The following MSH3 variants were observed in gnomAD, a reference collection of about 807,000 sequenced individuals.
MSH3 encodes the protein mutS homolog 3, also known as DNA mismatch repair protein Msh3.
A neutral mutation model predicts 123.3 loss-of-function variants in MSH3; 106 were observed. The ratio of observed to expected loss-of-function variants is 0.86; its 90% confidence interval spans 0.73 to 1.01. The LOEUF (loss-of-function observed/expected upper bound fraction) is 1.01. Ranked by LOEUF, MSH3 falls within the 50% of genes least tolerant of loss-of-function variation. The pLI, the probability that MSH3 is intolerant of heterozygous loss-of-function variation, is 0.00. For synonymous variants in MSH3, 515 were observed against 481.4 expected, an observed-to-expected ratio of 1.07 and a Z score of -0.91; for missense variants, 1,459 against 1,347.6, an observed-to-expected ratio of 1.08 and a Z score of -1.29.
intron 8 of MSH3, among the ~76,000 whole-genome samples, chr5:80,721,985 G>T (rs904786203): frequency 3.9e-5 from 6 of 152,134 alleles, no homozygotes; most frequent in African/African-American, 2.4e-5. Context: ...AAGAAACAGT[G>T]ATTGTTGTGT....
chr5:80,807,074 C>A (rs1744903548), intron 19 of MSH3, among the ~76,000 whole-genome samples: 1 of 151,666 alleles, frequency 6.6e-6, no homozygotes. Context: ...CACCCATGGT[C>A]CCAACTACTC....
intron 23 of MSH3, among the ~76,000 whole-genome samples, chr5:80,875,498 C>T (rs533947261): frequency 6.6e-6 from 1 of 152,064 alleles, no homozygotes; most frequent in African/African-American, 2.4e-5. Flanking sequence ...CAGGTTCTCC[C>T]CTCTGGGGCT....
intron 15 of MSH3, 143 bp from the exon 16 acceptor site, chr5:80,775,551 A>G (rs1744282816): frequency 3.2e-6 from 2 of 616,440 alleles, no homozygotes; most frequent in East Asian, 2.8e-5. Flanking sequence ...CTGTATTGAC[A>G]TATATACAGT....
chr5:80,774,850 T>C (rs574645398), intron 15 of MSH3, among the ~76,000 whole-genome samples: 2 of 152,160 alleles, frequency 1.3e-5, no homozygotes, highest in Non-Finnish European at 2.9e-5. Flanking sequence ...GAGGGGATGG[T>C]TAATGGATAC....
intron 8 of MSH3, among the ~76,000 whole-genome samples, chr5:80,708,406 A>G (rs1750766928): frequency 6.6e-6 from 1 of 152,028 alleles, no homozygotes; most frequent in African/African-American, 2.4e-5. Flanking sequence ...ATATGCATTG[A>G]ATTATGTTGA....
chr5:80,712,348 G>A (rs1750878315), intron 8 of MSH3, among the ~76,000 whole-genome samples: 1 of 152,076 alleles, frequency 6.6e-6, no homozygotes, highest in South Asian at 2.1e-4. Context: ...AGATTATGAG[G>A]TAAAGAGTTT....
chr5:80,714,130 CTTTTTTTTTTT>C (rs34918629), intron 8 of MSH3, among the ~76,000 whole-genome samples: 4 of 85,828 alleles, frequency 4.7e-5, no homozygotes, highest in East Asian at 6.2e-4. Context: ...TTCAAATAGA[CTTTTTTTTTTT>C]TTTTTTTTTT....
chr5:80,768,388 G>A (rs986086143), intron 14 of MSH3, among the ~76,000 whole-genome samples: 2 of 152,110 alleles, frequency 1.3e-5, no homozygotes, highest in African/African-American at 4.8e-5. Context: ...GCAAAGCCAA[G>A]CATTAGTAGT....
At chr5:80,871,886 C>A (rs1257099379) in intron 22 of MSH3, among the ~76,000 whole-genome samples, 1 of 152,278 alleles carries the variant, frequency 6.6e-6, no homozygotes, top group East Asian at 1.9e-4. Flanking sequence ...CTGCCTACAA[C>A]AACCAGTCAC....
At chr5:80,765,730 C>T (rs908482277) in intron 13 of MSH3, among the ~76,000 whole-genome samples, 1 of 152,172 alleles carries the variant, frequency 6.6e-6, no homozygotes, top group Non-Finnish European at 1.5e-5. Context: ...ATCTTAGATT[C>T]CCTTTACTTC....
At position 80,768,017 on chromosome 5, in the gene MSH3, T is replaced by A. The variant is rs1580033832; in HGVS notation, c.1981T>A (p.Ser661Thr). The change falls in exon 14 of 24, where the codon TCC becomes ACC. Residue 661 changes from serine (S) to threonine (T), a missense_variant. Ser to Thr is a moderately conservative substitution (Grantham distance 58). Transcript: ENST00000265081. ...EFQAIIPAVNSHIQSDLLRTV... is the reference protein window; with the variant it reads ...EFQAIIPAVNTHIQSDLLRTV... ...TCAAGCAATAATACCTGCTGTTAAT[T>A]CCCACATTCAGTCAGACTTGCTCCG... The A allele has an allele frequency of 1.9e-6, 3 of 1,613,662 alleles. No homozygotes were observed. Among genetic ancestry groups the A allele is most frequent in the Non-Finnish European group, 2.5e-6 (3 of 1,179,678 alleles).
chr5:80,715,093 C>T (rs184835324), intron 8 of MSH3: 17 of 152,294 alleles, frequency 1.1e-4, no homozygotes, highest in African/African-American at 3.9e-4. Context: ...CTCTTCATTA[C>T]TTTGGACATT....
rs1468236421 is a variant in MSH3 at position 80,654,724 on chromosome 5, T to C, written c.-4T>C. The C allele has an allele frequency of 1.3e-6, 2 of 1,595,886 alleles. No individual in the cohort carries two copies. Among genetic ancestry groups the C allele is most frequent in the Non-Finnish European group, 1.7e-6 (2 of 1,173,514 alleles). Reference sequence around the variant, plus strand: ...TGCCGCCGGGCTGCCATCCTTGCCCTGCCATGTCTCGCCGGAAGCCTGCGT... The same window carrying C: ...TGCCGCCGGGCTGCCATCCTTGCCCCGCCATGTCTCGCCGGAAGCCTGCGT... On this transcript the variant is annotated 5_prime_UTR_variant, in exon 1 of 24. Transcript: ENST00000265081.
At chr5:80,656,078 A>G (rs1175033467) in intron 1 of MSH3, among the ~76,000 whole-genome samples, 1 of 152,182 alleles carries the variant, frequency 6.6e-6, no homozygotes, top group Non-Finnish European at 1.5e-5. Flanking sequence ...TCTTAGAGGT[A>G]TTTTATTTAG....
At chr5:80,828,481 C>A (rs549270056) in intron 20 of MSH3, among the ~76,000 whole-genome samples, 1 of 152,254 alleles carries the variant, frequency 6.6e-6, no homozygotes, top group South Asian at 2.1e-4. Flanking sequence ...AGCATTCTGC[C>A]CCTGGCCCCC....
chr5:80,851,859 G>T (rs893499095), intron 20 of MSH3, among the ~76,000 whole-genome samples: 1 of 152,020 alleles, frequency 6.6e-6, no homozygotes, highest in Non-Finnish European at 1.5e-5. Flanking sequence ...CTATTAATTT[G>T]AAATCTCACC....
At chr5:80,828,565 G>C (rs1034322826) in intron 20 of MSH3, among the ~76,000 whole-genome samples, 1 of 152,088 alleles carries the variant, frequency 6.6e-6, no homozygotes, top group East Asian at 1.9e-4. Context: ...GAGTCTCATC[G>C]AATCAGATGT....
intron 8 of MSH3, among the ~76,000 whole-genome samples, chr5:80,687,320 T>G (rs1750115036): frequency 6.6e-6 from 1 of 152,180 alleles, no homozygotes; most frequent in Non-Finnish European, 1.5e-5. Context: ...TAAGGTTGCT[T>G]TAGCTTAGAA....
At chr5:80,727,943 G>A (rs1743331831) in intron 9 of MSH3, among the ~76,000 whole-genome samples, 1 of 152,168 alleles carries the variant, frequency 6.6e-6, no homozygotes, top group South Asian at 2.1e-4. Context: ...ACATATGAAG[G>A]AACAGTATTT....
Sources: gnomAD v4.1 joint callset for allele counts (sites outside exome capture counted in the v4.1 genomes callset) on GRCh38, gnomAD v4.1.1 for gene constraint, MANE v1.5 for transcripts, NCBI Gene and HGNC (gene_info 2026-07-23, HGNC 2026-07-21) for gene names.